The following STK39 variants were observed in gnomAD, a reference collection of about 807,000 sequenced individuals.
STK39 encodes the protein STE20/SPS1-related proline-alanine-rich protein kinase.
STK39 carries 20 observed loss-of-function variants against 77.8 expected under a neutral mutation model. The ratio of observed to expected loss-of-function variants is 0.26; its 90% CI spans 0.18 to 0.37. The LOEUF is 0.37. Among genes scored for constraint, STK39 ranks in the 10% least tolerant of loss-of-function variants. The pLI is 1.00. For missense variants in STK39, 479 were observed against 656.5 expected (o/e 0.73, Z 2.95); for synonymous variants, 246 against 234.1 (o/e 1.05, Z -0.47).
intron 12 of STK39, among the ~76,000 whole-genome samples, chr2:168,068,270 G>C (rs1233183581): frequency 1.3e-5 from 2 of 152,160 alleles, no homozygotes; most frequent in Non-Finnish European, 2.9e-5. Context: ...AGACCCTGAT[G>C]GGGATCTAGG....
intron 1 of STK39, among the ~76,000 whole-genome samples, chr2:168,238,338 C>T (rs1423042008): frequency 6.6e-6 from 1 of 152,136 alleles, no homozygotes; most frequent in Admixed American, 6.5e-5. Flanking sequence ...AGTTAGAAAC[C>T]TAAACCCATA....
At chr2:167,978,575 T>G (rs1683338877) in intron 16 of STK39, among the ~76,000 whole-genome samples, 1 of 152,230 alleles carries the variant, frequency 6.6e-6, no homozygotes, top group Non-Finnish European at 1.5e-5. Context: ...CTTATACTAA[T>G]GTAAGCAGCT....
At chr2:168,063,436 G>T in intron 14 of STK39, 64 bp downstream of exon 14, 1 of 1,401,742 alleles carries the variant, frequency 7.1e-7, no homozygotes, top group South Asian at 1.2e-5. Flanking sequence ...AAAGGTTAAC[G>T]AAGGAGATTT....
chr2:168,042,752 G>C (rs1685141133), intron 14 of STK39, among the ~76,000 whole-genome samples: 1 of 151,890 alleles, frequency 6.6e-6, no homozygotes, highest in African/African-American at 2.4e-5. Context: ...GCTAATTTTT[G>C]TATTTTTAGT....
chr2:168,166,154 T>C (rs1010861923), intron 3 of STK39, among the ~76,000 whole-genome samples: 1 of 152,304 alleles, frequency 6.6e-6, no homozygotes, highest in East Asian at 1.9e-4. Context: ...CTTGGGCAAG[T>C]TGCTAAACTC....
chr2:168,140,199 A>C, intron 7 of STK39, 90 bp downstream of exon 7: 1 of 1,130,446 alleles, frequency 8.8e-7, no homozygotes, highest in Non-Finnish European at 1.3e-6. Context: ...CTCGGGTCTA[A>C]GAGAAGAATG....
At chr2:168,210,836 G>A (rs988600241) in intron 1 of STK39, among the ~76,000 whole-genome samples, 2 of 152,054 alleles carry the variant, frequency 1.3e-5, no homozygotes, top group South Asian at 2.1e-4. Flanking sequence ...TTTGAATAAC[G>A]GATTTAAAAT....
intron 7 of STK39, among the ~76,000 whole-genome samples, chr2:168,138,598 A>G (rs981916389): frequency 6.6e-6 from 1 of 152,238 alleles, no homozygotes; most frequent in African/African-American, 2.4e-5. Flanking sequence ...CTGTTCATGT[A>G]TACAGGTCAT....
At chr2:168,233,383 T>C (rs1289822971) in intron 1 of STK39, among the ~76,000 whole-genome samples, 3 of 152,222 alleles carry the variant, frequency 2.0e-5, no homozygotes, top group South Asian at 2.1e-4. Context: ...TGTGAGAAAG[T>C]ACACACTGTT....
rs1690971661 is a variant in STK39, at chr2:168,247,552, C to T, written c.-117G>A. ...GGCGCACGCCCTCCCCGCCCGCCGC[C>T]GCCGCCGCCGTCCCCGCCGAAGCCA... is the stretch of plus-strand genomic sequence containing the variant. On this transcript the variant is annotated 5_prime_UTR_variant, in exon 1 of 18. Coordinates refer to ENST00000355999, the MANE Select transcript of STK39 (RefSeq NM_013233.3). 2 of 716,984 alleles carry T rather than the reference C, an allele frequency of 2.8e-6. No individual in the cohort carries two copies. The highest frequency in any genetic ancestry group is 3.6e-6 in the Non-Finnish European group (2 of 555,692). The allele number at this position is 716,984 out of a possible 1,614,324, so 44.4% of individuals were successfully genotyped here. A position where few individuals can be genotyped will look rare whatever the true frequency, so the allele number is the denominator to read the frequency against.
chr2:168,089,996 T>A (rs1183167959), intron 10 of STK39, among the ~76,000 whole-genome samples: 1 of 152,256 alleles, frequency 6.6e-6, no homozygotes, highest in South Asian at 2.1e-4. Context: ...AGTTTTTGAA[T>A]GCATAGTAAT....
In STK39 at chr2:168,247,359, GCCGCCGCCGCCGCTGTCA is replaced by G. The variant is rs750552390; in HGVS notation, c.59_76del (p.Val20_Ala25del). 116 of 1,067,322 alleles carry G rather than the reference GCCGCCGCCGCCGCTGTCA, an allele frequency of 1.1e-4. No homozygotes were observed. The South Asian group carries it at 4.8e-3, about 44-fold the overall frequency. 66.1% of individuals were successfully genotyped at this position (1,067,322 alleles called of 1,614,324 possible). On this transcript the variant is annotated inframe_deletion, in exon 1 of 18. Coordinates refer to ENST00000355999, the MANE Select transcript of STK39 (RefSeq NM_013233.3). ...CGCTGCTGTCGCGGCCGCCGGGGCC[GCCGCCGCCGCCGCTGTCA>G]CCGGGGCCGCCTGCTGGGGAAGCTG...
intron 1 of STK39, among the ~76,000 whole-genome samples, chr2:168,214,529 G>C (rs1341643146): frequency 2.0e-5 from 3 of 152,154 alleles, no homozygotes; most frequent in Non-Finnish European, 4.4e-5. Flanking sequence ...GGGAATGGTG[G>C]AAATGTTTTG....
At chr2:168,125,547 C>T (rs1687518895) in intron 10 of STK39, among the ~76,000 whole-genome samples, 1 of 152,168 alleles carries the variant, frequency 6.6e-6, no homozygotes, top group Admixed American at 6.5e-5. Context: ...GGTCCAGGAA[C>T]ATCCAATCTT....
chr2:167,977,523 A>G (rs1479456524), intron 16 of STK39, among the ~76,000 whole-genome samples: 4 of 152,042 alleles, frequency 2.6e-5, no homozygotes, highest in Non-Finnish European at 5.9e-5. Flanking sequence ...TTTACCAGGA[A>G]TACCCAGAAT....
chr2:168,150,867 C>T (rs1688261168), intron 5 of STK39, among the ~76,000 whole-genome samples: 1 of 152,040 alleles, frequency 6.6e-6, no homozygotes, highest in Non-Finnish European at 1.5e-5. Flanking sequence ...GGGAGAGAAC[C>T]TGGTACCCCA....
chr2:168,220,825 C>T (rs1690150512), intron 1 of STK39, among the ~76,000 whole-genome samples: 1 of 152,166 alleles, frequency 6.6e-6, no homozygotes, highest in African/African-American at 2.4e-5. Flanking sequence ...ACACACTGCC[C>T]TCACTTTCAG....
intron 1 of STK39, among the ~76,000 whole-genome samples, chr2:168,236,234 T>C (rs1421520108): frequency 6.6e-6 from 1 of 152,264 alleles, no homozygotes; most frequent in African/African-American, 2.4e-5. Flanking sequence ...CATGTGTCTT[T>C]TGGCTGCATA....
chr2:168,166,786 C>A (rs145184904), intron 3 of STK39, among the ~76,000 whole-genome samples: 9 of 152,104 alleles, frequency 5.9e-5, no homozygotes, highest in Non-Finnish European at 1.3e-4. Context: ...AGAACATTTC[C>A]ATCATCACAG....
Sources: allele counts gnomAD v4.1 joint callset (sites outside exome capture counted in the v4.1 genomes callset), GRCh38; gene constraint gnomAD v4.1.1; transcripts MANE v1.5; gene names NCBI Gene and HGNC (gene_info 2026-07-23, HGNC 2026-07-21).